Variants in LEF1 observed in about 807,000 individuals in gnomAD.
The protein encoded by LEF1 is lymphoid enhancer binding factor 1.
LEF1 carries 14 observed loss-of-function variants against 51.2 expected under a neutral mutation model. That is an observed-to-expected ratio of 0.27 (90% CI 0.18 to 0.43). LEF1 has a LOEUF of 0.43. LEF1 is among the 20% of genes least tolerant of loss of function. The pLI is 1.00. For missense variants in LEF1, 386 were observed against 512.0 expected (o/e 0.75, Z 2.37); for synonymous variants, 185 against 183.2 (o/e 1.01, Z -0.08).
chr4:108,139,403 T>C (rs1426723594), intron 3 of LEF1, among the ~76,000 whole-genome samples: 1 of 152,258 alleles, frequency 6.6e-6, no homozygotes, highest in Admixed American at 6.5e-5. Context: ...TTAAATAGCA[T>C]GGCATCTACA....
At chr4:108,157,139 A>C (rs1744749753) in intron 3 of LEF1, among the ~76,000 whole-genome samples, 2 of 143,410 alleles carry the variant, frequency 1.4e-5, no homozygotes, top group Admixed American at 7.1e-5. Flanking sequence ...ACTTATATCT[A>C]CCTCTTCATT....
At chr4:108,056,418 T>C (rs1279911279) in intron 11 of LEF1, among the ~76,000 whole-genome samples, 3 of 152,242 alleles carry the variant, frequency 2.0e-5, no homozygotes, top group African/African-American at 7.2e-5. Flanking sequence ...CCCTTTCTCC[T>C]TAAGTGAGCA....
chr4:108,063,693 T>G (rs1220595805), intron 10 of LEF1, 30 bp from the exon 11 acceptor site: 4 of 1,526,536 alleles, frequency 2.6e-6, no homozygotes, highest in African/African-American at 1.4e-5. Context: ...TAACAAATTT[T>G]TATTGAAGAG....
rs572413042 is a variant in LEF1, at chr4:108,081,018, G to A, written c.722+568C>T. 1.6e-4 allele frequency among the ~76,000 whole-genome samples: 25 copies of A among 152,088 alleles called. No individual in the cohort carries two copies. The South Asian group carries it at 4.8e-3, about 29-fold the overall frequency. The stretch of plus-strand genomic sequence containing the variant: ...CAGGCCTCCCGAGCTCCGCTGGCAT[G>A]ACCATGTCCACACAGGGCCTGATTC... On this transcript the variant is annotated intron_variant, in intron 6 of 11. Transcript: ENST00000265165.
intron 3 of LEF1, among the ~76,000 whole-genome samples, chr4:108,152,050 A>C (rs1418203658): frequency 1.3e-5 from 2 of 152,226 alleles, no homozygotes; most frequent in Admixed American, 6.5e-5. Flanking sequence ...ACAAACACAA[A>C]GACAAAAAGC....
intron 3 of LEF1, among the ~76,000 whole-genome samples, chr4:108,118,649 G>C (rs1174845628): frequency 2.0e-5 from 3 of 152,172 alleles, no homozygotes; most frequent in Non-Finnish European, 2.9e-5. Context: ...ATTTCAAATA[G>C]TTTGTTTACC....
Position 108,167,494 on chromosome 4 carries a change from C to T in LEF1, c.213+61G>A. ...GCCGGGCGCCTTCGTTCCCTTCCTC[C>T]CTCTCTGAGTTTCCCAGGGACCCGC... On this transcript the variant is annotated intron_variant, in intron 1 of 11. Coordinates refer to ENST00000265165, the MANE Select transcript of LEF1 (RefSeq NM_016269.5). The surrounding 1 kb of genome is among the most constrained non-coding windows in gnomAD (Gnocchi z 5.7). The T allele has an allele frequency of 6.4e-7, 1 of 1,566,190 alleles. No individual in the cohort carries two copies. Among genetic ancestry groups the T allele is most frequent in the East Asian group, 2.2e-5 (1 of 44,562 alleles).
chr4:108,166,236 A>ATCAG (rs1183276451), intron 1 of LEF1: 25 of 1,534,018 alleles, frequency 1.6e-5, no homozygotes, highest in Non-Finnish European at 2.1e-5. Context: ...CTGTTCTCTG[A>ATCAG]ACGCAGGCCC....
intron 3 of LEF1, among the ~76,000 whole-genome samples, chr4:108,113,946 T>C (rs1453235543): frequency 3.3e-5 from 5 of 152,180 alleles, no homozygotes; most frequent in African/African-American, 1.2e-4. Flanking sequence ...AAAACCACTA[T>C]ATGAAGACAA....
At chr4:108,112,159 A>T (rs1030829094) in intron 3 of LEF1, among the ~76,000 whole-genome samples, 2 of 152,118 alleles carry the variant, frequency 1.3e-5, no homozygotes, top group African/African-American at 4.8e-5. Flanking sequence ...ATTGATACAC[A>T]CTGTGTGGCT....
At chr4:108,119,929 T>C (rs1175303051) in intron 3 of LEF1, among the ~76,000 whole-genome samples, 1 of 152,150 alleles carries the variant, frequency 6.6e-6, no homozygotes, top group East Asian at 1.9e-4. Context: ...TCTGTTTAAA[T>C]TGTTACATGT....
intron 4 of LEF1, among the ~76,000 whole-genome samples, chr4:108,087,409 T>C (rs1002046320): frequency 6.6e-6 from 1 of 152,012 alleles, no homozygotes; most frequent in Non-Finnish European, 1.5e-5. Flanking sequence ...CCCTTCTCGG[T>C]AGTTTTGGAG....
At chr4:108,079,368 G>A in intron 7 of LEF1, 124 bp downstream of exon 7, 1 of 1,090,728 alleles carries the variant, frequency 9.2e-7, no homozygotes, top group Non-Finnish European at 1.4e-6. Flanking sequence ...GAGTTTTCAA[G>A]GCAGAGGTGC....
At chr4:108,103,089 C>G (rs190464979) in intron 3 of LEF1, among the ~76,000 whole-genome samples, 1 of 152,198 alleles carries the variant, frequency 6.6e-6, no homozygotes, top group Non-Finnish European at 1.5e-5. Flanking sequence ...CCCGTCACTA[C>G]GTGGGTCTCA....
intron 8 of LEF1, chr4:108,071,935 A>T (rs1455363860): frequency 6.6e-6 from 1 of 152,244 alleles, no homozygotes; most frequent in Non-Finnish European, 1.5e-5. Context: ...CATAACACAC[A>T]TGCTCCTCTG....
At chr4:108,091,210 C>T (rs1335542035) in intron 3 of LEF1, among the ~76,000 whole-genome samples, 1 of 151,898 alleles carries the variant, frequency 6.6e-6, no homozygotes, top group Non-Finnish European at 1.5e-5. Flanking sequence ...AAATGTAAGT[C>T]CATATCTGAA....
chr4:108,048,490 A>T lies in LEF1; in HGVS notation c.*268T>A. 1 of 422,222 alleles carries T rather than the reference A, an allele frequency of 2.4e-6. No individual in the cohort carries two copies. The highest frequency in any genetic ancestry group is 3.5e-5 in the East Asian group (1 of 28,526). The allele number at this position is 422,222 out of a possible 1,614,324, so 26.2% of individuals were successfully genotyped here. On this transcript the variant is annotated 3_prime_UTR_variant, in exon 12 of 12. Transcript: ENST00000265165. ...CCTGCTAGCATTCTCATGTGCTTTTACATTTCCTTTTAAAAAACCTTTTTA... is the reference window on the plus strand; with the variant it reads ...CCTGCTAGCATTCTCATGTGCTTTTTCATTTCCTTTTAAAAAACCTTTTTA...
At chr4:108,100,826 T>A (rs1211850432) in intron 3 of LEF1, among the ~76,000 whole-genome samples, 1 of 152,232 alleles carries the variant, frequency 6.6e-6, no homozygotes, top group Non-Finnish European at 1.5e-5. Flanking sequence ...TGGCAAACAC[T>A]GAATCCCTTC....
chr4:108,074,770 C>G (rs770444407), intron 8 of LEF1, among the ~76,000 whole-genome samples: 2 of 152,158 alleles, frequency 1.3e-5, no homozygotes, highest in African/African-American at 4.8e-5. Flanking sequence ...TAAGAACCAT[C>G]CTTTAGGACA....
Sources: gnomAD v4.1 joint callset for allele counts (sites outside exome capture counted in the v4.1 genomes callset) on GRCh38, gnomAD v4.1.1 for gene constraint, Gnocchi (gnomAD v3.1) non-coding constraint, MANE v1.5 for transcripts, NCBI Gene and HGNC (gene_info 2026-07-23, HGNC 2026-07-21) for gene names.